The following DENND4A variants were observed in gnomAD, a reference collection of about 807,000 sequenced individuals.
The protein encoded by DENND4A is DENN domain containing 4A.
Under a neutral mutation model 199.3 loss-of-function variants are expected in DENND4A, and 70 were observed. The ratio of observed to expected loss-of-function variants is 0.35; its 90% CI spans 0.29 to 0.43. The LOEUF (loss-of-function observed/expected upper bound fraction) is 0.43, where lower values mean the gene tolerates loss of function less well. Ranked by LOEUF, DENND4A falls within the 20% of genes least tolerant of loss-of-function variation. DENND4A has a pLI of 1.00. For missense variants in DENND4A, 1,723 were observed against 2,255.8 expected (o/e 0.76, Z 4.78); for synonymous variants, 686 against 766.9 (o/e 0.89, Z 1.74).
At chr15:65,784,282 T>C (rs2077509156) in intron 1 of DENND4A, among the ~76,000 whole-genome samples, 1 of 152,206 alleles carries the variant, frequency 6.6e-6, no homozygotes, top group Non-Finnish European at 1.5e-5. Context: ...CTAAATGTAT[T>C]GTCGTATTCT....
intron 11 of DENND4A, among the ~76,000 whole-genome samples, chr15:65,727,227 C>T (rs917843464): frequency 5.9e-5 from 9 of 151,308 alleles, no homozygotes; most frequent in East Asian, 3.9e-4. Context: ...CTGAGGCAGG[C>T]GGATCACGAG....
rs1011517191 is a variant in DENND4A, at chr15:65,670,067, T to C, written c.4586A>G (p.Asn1529Ser). ...TATATTCAGAAAGGGTAAGAAGATA[T>C]TGCCACAGAATGGGCATGTAGTATT... Reference protein sequence around the residue: ...NLNTTCPFCGNIFLPFLNIEI... With the variant: ...NLNTTCPFCGSIFLPFLNIEI... Residue 1529 changes from asparagine to serine, a missense_variant, in exon 26 of 33, where the codon AAT (asparagine) becomes AGT (serine). Asn to Ser is a conservative substitution (Grantham distance 46). This residue lies in a region of DENND4A where 141 missense variants were observed against 170.7 expected (regional missense o/e 0.83). Coordinates refer to ENST00000443035, the MANE Select transcript of DENND4A (RefSeq NM_001320835.1). 6.2e-7 allele frequency: 1 copy of C among 1,603,694 alleles called. No individual in the cohort carries two copies. The highest frequency in any genetic ancestry group is 1.1e-5 in the South Asian group (1 of 89,290).
In DENND4A at chr15:65,717,916, T is replaced by G. The variant is rs2075458846; in HGVS notation, c.1669A>C (p.Met557Leu). The G allele has an allele frequency of 6.2e-7, 1 of 1,609,652 alleles. No individual in the cohort carries two copies. The highest frequency in any genetic ancestry group is 2.2e-5 in the East Asian group (1 of 44,834). ...YDFNSGKRLH[M>L]IDLEIQEAFL... is the part of the protein sequence containing the mutation. ...GCCTCTTGGATTTCCAAATCTATCATGTGCAACCTCTTTCCAGAATTAAAA... is the reference window on the plus strand; with the variant it reads ...GCCTCTTGGATTTCCAAATCTATCAGGTGCAACCTCTTTCCAGAATTAAAA... Residue 557 changes from methionine to leucine, a missense_variant, in exon 13 of 33, where the codon ATG becomes CTG. Physicochemically the swap from Met to Leu is conservative, Grantham distance 15. This residue lies in a region of DENND4A where 725 missense variants were observed against 952.9 expected (regional missense o/e 0.76). Transcript: ENST00000443035.
At chr15:65,774,573 C>T (rs1439333869) in intron 1 of DENND4A, among the ~76,000 whole-genome samples, 2 of 151,526 alleles carry the variant, frequency 1.3e-5, no homozygotes, top group Non-Finnish European at 2.9e-5. Context: ...GAGGCTGAGG[C>T]AGGAGAATCG....
At chr15:65,670,775 T>A (rs534404372) in intron 25 of DENND4A, among the ~76,000 whole-genome samples, 1 of 152,338 alleles carries the variant, frequency 6.6e-6, no homozygotes, top group African/African-American at 2.4e-5. Context: ...TAACTATAAA[T>A]GCTATCATTA....
At chr15:65,743,965 A>G (rs1280661249) in intron 4 of DENND4A, among the ~76,000 whole-genome samples, 1 of 152,186 alleles carries the variant, frequency 6.6e-6, no homozygotes, top group African/African-American at 2.4e-5. Flanking sequence ...TGAGCAGAAG[A>G]GAGGCATTAT....
At chr15:65,789,977 G>A (rs1037768377) in intron 1 of DENND4A, among the ~76,000 whole-genome samples, 4 of 152,100 alleles carry the variant, frequency 2.6e-5, no homozygotes, top group African/African-American at 9.7e-5. Context: ...GCAACATGGC[G>A]AAACCCCGTC....
intron 9 of DENND4A, 75 bp downstream of exon 9, chr15:65,731,567 T>C: frequency 8.8e-7 from 1 of 1,136,278 alleles, no homozygotes; most frequent in South Asian, 1.4e-5. Context: ...TTTGAAATTT[T>C]AGCTAGGAAA....
At chr15:65,685,151 G>A (rs1321396570) in intron 23 of DENND4A, among the ~76,000 whole-genome samples, 1 of 145,704 alleles carries the variant, frequency 6.9e-6, no homozygotes, top group Non-Finnish European at 1.5e-5. Flanking sequence ...TTTTGAGACC[G>A]TGTCTCACTC....
intron 14 of DENND4A, among the ~76,000 whole-genome samples, chr15:65,713,123 T>C (rs1047210633): frequency 6.6e-6 from 1 of 152,186 alleles, no homozygotes; most frequent in African/African-American, 2.4e-5. Context: ...TCAAACCACA[T>C]TCAAGTTTTG....
chr15:65,717,055 T>C (rs944259299), intron 13 of DENND4A, among the ~76,000 whole-genome samples: 1 of 152,216 alleles, frequency 6.6e-6, no homozygotes, highest in Non-Finnish European at 1.5e-5. Context: ...TTCCGTGATA[T>C]GAGGTTGTGA....
intron 24 of DENND4A, among the ~76,000 whole-genome samples, chr15:65,676,141 A>AATAAATATATATATATATATAT (rs2076369907): frequency 9.1e-6 from 1 of 110,452 alleles, no homozygotes; most frequent in Non-Finnish European, 1.9e-5. Context: ...AATAAGGAAA[A>AATAAATATATATATATATATAT]ATATATATAT....
At chr15:65,714,083 T>A (rs758371298) in intron 14 of DENND4A, among the ~76,000 whole-genome samples, 1 of 152,134 alleles carries the variant, frequency 6.6e-6, no homozygotes, top group Non-Finnish European at 1.5e-5. Flanking sequence ...TTTCTTCACT[T>A]CTGTATTTGT....
Position 65,667,987 on chromosome 15 carries a change from C to T in DENND4A, c.4924G>A (p.Asp1642Asn). ...GAAATGAGCTTCTGTCTTCCAGTAT[C>T]TTCCTTATCCAAGGGGCCAGAAGTA... ...ISTSGPLDKE[D>N]TGRQKLISTG... Residue 1642 changes from aspartate (D) to asparagine (N), a missense_variant, in exon 28 of 33, where the codon GAT becomes AAT. This residue lies in a region of DENND4A where 141 missense variants were observed against 170.7 expected (regional missense o/e 0.83). Transcript: ENST00000443035. 6.2e-7 allele frequency: 1 copy of T among 1,612,316 alleles called. No individual in the cohort carries two copies. Among genetic ancestry groups the T allele is most frequent in the Non-Finnish European group, 8.5e-7 (1 of 1,179,514 alleles).
intron 22 of DENND4A, 50 bp downstream of exon 22, chr15:65,696,316 T>C: frequency 1.3e-6 from 2 of 1,577,668 alleles, no homozygotes; most frequent in Non-Finnish European, 1.7e-6. Context: ...TCACTAGTCA[T>C]ACAGATACAA....
chr15:65,739,818 T>C (rs550958412), intron 5 of DENND4A, among the ~76,000 whole-genome samples: 52 of 152,330 alleles, frequency 3.4e-4, no homozygotes, highest in African/African-American at 1.1e-3. Context: ...TGAGGATCTA[T>C]AGTTAACTCT....
chr15:65,702,118 G>T (rs920596852), intron 17 of DENND4A, among the ~76,000 whole-genome samples, 187 bp downstream of exon 17: 1 of 152,062 alleles, frequency 6.6e-6, no homozygotes, highest in African/African-American at 2.4e-5. Context: ...TAAAAAATTA[G>T]CCAGGCGTGG....
At chr15:65,759,850 C>T (rs2076808347) in intron 2 of DENND4A, among the ~76,000 whole-genome samples, 1 of 152,142 alleles carries the variant, frequency 6.6e-6, no homozygotes, top group Admixed American at 6.5e-5. Context: ...TTTTAAAGGG[C>T]TGCATAGTAT....
rs1566974704 is a variant in DENND4A at position 65,659,319 on chromosome 15, CTGGTTTTT to C, written c.*2524_*2531del. On this transcript the variant is annotated 3_prime_UTR_variant, in exon 33 of 33. Transcript: ENST00000443035. The stretch of plus-strand genomic sequence containing the variant: ...AGTTATTTTAAATGATTGATATTTT[CTGGTTTTT>C]TTTTTTTTTTTTTTTTTTTTTTTTG... 2 of 29,844 alleles carry C rather than the reference CTGGTTTTT, an allele frequency of 6.7e-5. No individual in the cohort carries two copies. The highest frequency in any genetic ancestry group is 2.4e-4 in the African/African-American group (2 of 8,488). The allele number at this position is 29,844 out of a possible 1,614,324, so 1.8% of individuals were successfully genotyped here. A position where few individuals can be genotyped will look rare whatever the true frequency, so the allele number is the denominator to read the frequency against.
Sources: gnomAD v4.1 joint callset for allele counts (sites outside exome capture counted in the v4.1 genomes callset) on GRCh38, gnomAD v4.1.1 for gene constraint, gnomAD v4.1.1 regional missense constraint, MANE v1.5 for transcripts, NCBI Gene and HGNC (gene_info 2026-07-23, HGNC 2026-07-21) for gene names.